The following GCC2 variants were observed in gnomAD, a reference collection of about 807,000 sequenced individuals.
GCC2 encodes the protein GRIP and coiled-coil domain containing 2.
GCC2 carries 120 observed loss-of-function variants against 210.6 expected under a neutral mutation model. That is an observed-to-expected ratio of 0.57 (90% CI 0.49 to 0.66). The LOEUF (loss-of-function observed/expected upper bound fraction) is 0.66, where lower values mean the gene tolerates loss of function less well. Ranked by LOEUF, GCC2 falls within the 30% of genes least tolerant of loss-of-function variation. GCC2 has a pLI of 0.00. For missense variants in GCC2, 1,868 were observed against 1,871.9 expected (o/e 1.00, Z 0.04); for synonymous variants, 703 against 652.7 (o/e 1.08, Z -1.17).
intron 9 of GCC2, among the ~76,000 whole-genome samples, chr2:108,478,111 G>A (rs1681638271): frequency 6.6e-6 from 1 of 152,096 alleles, no homozygotes; most frequent in African/African-American, 2.4e-5. Context: ...ATAGATTATA[G>A]GGTCTCTTAA....
chr2:108,451,160 G>C, intron 3 of GCC2, 48 bp downstream of exon 3: 1 of 1,138,840 alleles, frequency 8.8e-7, no homozygotes, highest in Non-Finnish European at 1.3e-6. Flanking sequence ...TTTAATCGTG[G>C]TTTAAAATGG....
rs2917978 is a variant in GCC2, at chr2:108,503,838, G to A, written c.4985-3722G>A. ...ATCAAAAGAATACAAGCTGGGCTCA[G>A]TGACTCACACCTGTAAGCCCAACAG... On this transcript the variant is annotated intron_variant, in intron 22 of 22. Transcript: ENST00000309863. Among the ~76,000 whole-genome samples, 37 of 152,334 alleles carry A rather than the reference G, an allele frequency of 2.4e-4. No homozygotes were observed. The East Asian group carries it at 3.7e-3, about 15-fold the overall frequency.
rs767490206 is a variant in GCC2, at chr2:108,471,281, G to A, written c.1952G>A (p.Gly651Glu). 1 of 1,610,832 alleles carries A rather than the reference G, an allele frequency of 6.2e-7. No individual in the cohort carries two copies. The highest frequency in any genetic ancestry group is 2.2e-5 in the East Asian group (1 of 44,766). ...LEQKVNELTG[G>E]LEETLKEKDQ... The stretch of plus-strand genomic sequence containing the variant: ...CAAAAGGTAAATGAATTAACAGGAG[G>A]ACTAGAGGAGACTTTAAAAGAAAAG... The change falls in exon 6 of 23, where the codon GGA (glycine) becomes GAA (glutamate). Residue 651 changes from glycine to glutamate, a missense_variant. Gly to Glu is a moderately conservative substitution (Grantham distance 98, BLOSUM62 -2). Around this residue, in one of 3 missense-constraint regions of GCC2, gnomAD observed 1,847 missense variants for 1,765.2 expected, o/e 1.05. Transcript: ENST00000309863.
rs748622809 is a variant in GCC2 at position 108,507,629 on chromosome 2, AG to A, written c.*1del. On this transcript the variant is annotated frameshift_variant and stop_lost, in exon 23 of 23. Coordinates refer to ENST00000309863, the MANE Select transcript of GCC2 (RefSeq NM_181453.4). LOFTEE classifies it high-confidence loss of function. Reference sequence around the variant, plus strand: ...CTTCATAGTTGGTCTGGACTTCGATAGGTTGATGGAAGGAATATTTTTATTA... The same window carrying A: ...CTTCATAGTTGGTCTGGACTTCGATAGTTGATGGAAGGAATATTTTTATTA... ...SYLHSWSGLR[*>X] The A allele has an allele frequency of 6.4e-7, 1 of 1,566,790 alleles. No homozygotes were observed. Among genetic ancestry groups the A allele is most frequent in the African/African-American group, 1.4e-5 (1 of 73,368 alleles).
chr2:108,460,415 T>G (rs1048832882), intron 4 of GCC2, among the ~76,000 whole-genome samples: 1 of 152,226 alleles, frequency 6.6e-6, no homozygotes, highest in Non-Finnish European at 1.5e-5. Flanking sequence ...TTCTGGTTGC[T>G]TTATATATTC....
In GCC2 at chr2:108,470,044, G is replaced by A. The variant is rs774722092; in HGVS notation, c.715G>A (p.Glu239Lys). Residue 239 changes from glutamate to lysine, a missense_variant, in exon 6 of 23, where the codon GAA (glutamate) becomes AAA (lysine). By Grantham distance (56) the Glu-to-Lys change is moderately conservative (BLOSUM62 1). This residue lies in a region of GCC2 where 1,847 missense variants were observed against 1,765.2 expected (regional missense o/e 1.05). Transcript: ENST00000309863. The stretch of plus-strand genomic sequence containing the variant: ...CCAAAAAAATATTAATAGTTTGCAG[G>A]AAGAGCTTTTACAGTTGAAAGCTAT... ...HYQKNINSLQ[E>K]ELLQLKAIHQ... 5.5e-5 allele frequency: 88 copies of A among 1,613,136 alleles called. 1 individual carries two copies. In the South Asian group the frequency reaches 8.4e-4, roughly 15 times the overall value.
At position 108,472,891 on chromosome 2, in the gene GCC2, A is replaced by G; in HGVS notation, c.2852A>G (p.Glu951Gly). The G allele has an allele frequency of 6.4e-7, 1 of 1,563,242 alleles. No individual in the cohort carries two copies. The highest frequency in any genetic ancestry group is 8.8e-7 in the Non-Finnish European group (1 of 1,140,790). The change falls in exon 7 of 23, where the codon GAA (glutamate) becomes GGA (glycine). Residue 951 changes from glutamate to glycine, a missense_variant. Physicochemically the swap from Glu to Gly is moderately conservative, Grantham distance 98. This residue lies in a region of GCC2 where 1,847 missense variants were observed against 1,765.2 expected (regional missense o/e 1.05). Transcript: ENST00000309863. ...DPLSSVKELE[E>G]KIENLEKECK... ...CTGTCTTCAGTAAAAGAGTTGGAAG[A>G]AAAAATAGGTAACTATGGTTTTGCA...
intron 19 of GCC2, chr2:108,494,738 C>T (rs1027402807): frequency 6.6e-6 from 1 of 152,366 alleles, no homozygotes; most frequent in African/African-American, 2.4e-5. Context: ...AACAGTTTAT[C>T]TTAGCTAGTA....
rs566084754 is a variant in GCC2 at position 108,454,085 on chromosome 2, G to T, written c.216+1619G>T. Among the ~76,000 whole-genome samples, 12 of 152,176 alleles carry T rather than the reference G, an allele frequency of 7.9e-5. No individual in the cohort carries two copies. The South Asian group carries it at 1.5e-3, about 18-fold the overall frequency. On this transcript the variant is annotated intron_variant, in intron 4 of 22. Transcript: ENST00000309863. ...GGCTCACCGCAAGCTCCGCCTCCTG[G>T]GTTGACGCCATTCTCCTGCCTCAGC... is the stretch of plus-strand genomic sequence containing the variant.
intron 17 of GCC2, among the ~76,000 whole-genome samples, chr2:108,489,252 A>T (rs1416469581): frequency 6.6e-6 from 1 of 152,220 alleles, no homozygotes; most frequent in African/African-American, 2.4e-5. Flanking sequence ...ATGGCGGTTC[A>T]CACCTGTAAT....
At chr2:108,498,362 AT>A (rs1217588886) in intron 21 of GCC2, among the ~76,000 whole-genome samples, 137 of 150,926 alleles carry the variant, frequency 9.1e-4, no homozygotes, top group Non-Finnish European at 1.4e-3. Flanking sequence ...TGCCCGGCTA[AT>A]TTTTTTTATT....
intron 4 of GCC2, among the ~76,000 whole-genome samples, chr2:108,461,341 T>G (rs1253230807): frequency 1.3e-5 from 2 of 152,182 alleles, no homozygotes; most frequent in Non-Finnish European, 2.9e-5. Context: ...GTCTTTGATT[T>G]ATGGCAGTGG....
chr2:108,481,189 A>C (rs1296982929), intron 9 of GCC2, among the ~76,000 whole-genome samples: 1 of 152,220 alleles, frequency 6.6e-6, no homozygotes, highest in Non-Finnish European at 1.5e-5. Context: ...TTCTTCAGGA[A>C]ATATTGAAAG....
intron 20 of GCC2, 51 bp from the exon 21 acceptor site, chr2:108,496,919 C>T: frequency 6.2e-7 from 1 of 1,607,890 alleles, no homozygotes; most frequent in African/African-American, 1.3e-5. Flanking sequence ...TTAGAATCTT[C>T]ATCTTTAATG....
chr2:108,488,360 C>T (rs964307416), intron 17 of GCC2, among the ~76,000 whole-genome samples: 1 of 152,146 alleles, frequency 6.6e-6, no homozygotes, highest in Non-Finnish European at 1.5e-5. Context: ...TTAAAGTGCA[C>T]AGTGAAGCCA....
chr2:108,471,606 G>A lies in GCC2; in HGVS notation c.2277G>A (p.Leu759=). Residue 759 remains leucine (L), a synonymous_variant, in exon 6 of 23, where the codon TTG becomes TTA. Coordinates refer to ENST00000309863, the MANE Select transcript of GCC2 (RefSeq NM_181453.4). ...QVQKLFVKTQ[L]YGFLKEMGSE... ...AGAAGTTATTTGTTAAAACTCAGTT[G>A]TATGGTTTTCTTAAAGAAATGGGAT... is the stretch of plus-strand genomic sequence containing the variant. 3.7e-6 allele frequency: 6 copies of A among 1,613,442 alleles called. No homozygotes were observed. Among genetic ancestry groups the A allele is most frequent in the Non-Finnish European group, 5.1e-6 (6 of 1,179,630 alleles).
intron 3 of GCC2, among the ~76,000 whole-genome samples, chr2:108,451,750 G>A (rs1198535302): frequency 6.6e-6 from 1 of 151,412 alleles, no homozygotes; most frequent in African/African-American, 2.4e-5. Context: ...GCAATGAAGA[G>A]AATAATTTAT....
rs957398932 is a variant in GCC2 at position 108,449,299 on chromosome 2, A to G, written c.6+19A>G. On this transcript the variant is annotated intron_variant, in intron 1 of 22. Coordinates refer to ENST00000309863, the MANE Select transcript of GCC2 (RefSeq NM_181453.4). ...GATGGAGGTAACTCAGGTCGGGCCC[A>G]CTGCCTCCCATCAAGCCTTCCGCGC... is the stretch of plus-strand genomic sequence containing the variant. 13 of 1,548,264 alleles carry G rather than the reference A, an allele frequency of 8.4e-6. No individual in the cohort carries two copies. The South Asian group carries it at 1.5e-4, about 18-fold the overall frequency.
intron 9 of GCC2, among the ~76,000 whole-genome samples, chr2:108,476,100 G>A (rs1285603434): frequency 8.5e-6 from 1 of 117,820 alleles, no homozygotes; most frequent in Non-Finnish European, 1.6e-5. Flanking sequence ...TCTCTCTCTC[G>A]CCCAGGCTGG....
Sources: allele counts gnomAD v4.1 joint callset (sites outside exome capture counted in the v4.1 genomes callset), GRCh38; gene constraint gnomAD v4.1.1; regional missense constraint gnomAD v4.1.1; transcripts MANE v1.5; gene names NCBI Gene and HGNC (gene_info 2026-07-23, HGNC 2026-07-21).